SETD3: variants seen among roughly 807,000 people sequenced by gnomAD.
The protein encoded by SETD3 is actin-histidine N-methyltransferase.
In SETD3, 19 loss-of-function variants were observed where a neutral mutation model predicts 63.0. The observed-to-expected ratio is 0.30, with a 90% confidence interval of 0.21 to 0.44. The LOEUF is 0.44. Ranked by LOEUF, SETD3 falls within the 20% of genes least tolerant of loss-of-function variation. The pLI is 1.00. For synonymous variants in SETD3, 286 were observed against 264.1 expected (o/e 1.08, Z -0.80); for missense variants, 587 against 728.5 (o/e 0.81, Z 2.24).
intron 8 of SETD3, among the ~76,000 whole-genome samples, chr14:99,408,013 C>T (rs1355907258): frequency 6.6e-6 from 1 of 152,140 alleles, no homozygotes; most frequent in Non-Finnish European, 1.5e-5. Flanking sequence ...GGTTGTCTGT[C>T]GATGGTCACT....
At chr14:99,443,783 G>C (rs1482185434) in intron 6 of SETD3, among the ~76,000 whole-genome samples, 1 of 152,180 alleles carries the variant, frequency 6.6e-6, no homozygotes, top group Non-Finnish European at 1.5e-5. Flanking sequence ...AAAACTGTAA[G>C]ATGAAGGTTA....
At chr14:99,452,640 A>G (rs1387855101) in intron 6 of SETD3, among the ~76,000 whole-genome samples, 4 of 152,282 alleles carry the variant, frequency 2.6e-5, no homozygotes, top group African/African-American at 9.6e-5. Flanking sequence ...GTCAGTACTG[A>G]TGCTTTTAGA....
At chr14:99,400,369 G>C (rs1303533854) in intron 11 of SETD3, 110 bp from the exon 12 acceptor site, 1 of 1,209,732 alleles carries the variant, frequency 8.3e-7, no homozygotes, top group Admixed American at 2.2e-5. Flanking sequence ...TTTTCCCACG[G>C]TAAAAGCTGT....
At chr14:99,415,920 C>A (rs1892266692) in intron 6 of SETD3, among the ~76,000 whole-genome samples, 1 of 152,154 alleles carries the variant, frequency 6.6e-6, no homozygotes, top group Non-Finnish European at 1.5e-5. Context: ...TCGCAGAGTT[C>A]TTGATATTTC....
chr14:99,457,008 CA>C (rs1894798553), intron 6 of SETD3, among the ~76,000 whole-genome samples: 1 of 152,146 alleles, frequency 6.6e-6, no homozygotes, highest in Non-Finnish European at 1.5e-5. Flanking sequence ...GAGAAAATGA[CA>C]AATACTTAGA....
intron 11 of SETD3, among the ~76,000 whole-genome samples, chr14:99,402,631 A>T (rs1380173424): frequency 6.6e-6 from 1 of 151,998 alleles, no homozygotes; most frequent in African/African-American, 2.4e-5. Flanking sequence ...TCACTCTGTC[A>T]CCCAGGCTGG....
At chr14:99,470,070 C>T (rs2139807538) in intron 1 of SETD3, among the ~76,000 whole-genome samples, 1 of 152,360 alleles carries the variant, frequency 6.6e-6, no homozygotes, top group South Asian at 2.1e-4. Context: ...CTCTATTTTA[C>T]ATGTCCAGCT....
chr14:99,444,678 G>A (rs2139731614), intron 6 of SETD3, among the ~76,000 whole-genome samples: 1 of 152,212 alleles, frequency 6.6e-6, no homozygotes, highest in East Asian at 1.9e-4. Flanking sequence ...GAGCAACATG[G>A]CAAAAACTCA....
At chr14:99,420,866 C>T (rs970142350) in intron 6 of SETD3, among the ~76,000 whole-genome samples, 13 of 131,994 alleles carry the variant, frequency 9.8e-5, no homozygotes, top group African/African-American at 3.8e-4. Flanking sequence ...AGAGGTGAGG[C>T]TGGGAACCTG....
At chr14:99,434,086 C>T (rs185092205) in intron 6 of SETD3, among the ~76,000 whole-genome samples, 8 of 152,294 alleles carry the variant, frequency 5.3e-5, no homozygotes, top group Non-Finnish European at 1.2e-4. Flanking sequence ...TGTATATGTC[C>T]ACAAGAAGAT....
intron 6 of SETD3, among the ~76,000 whole-genome samples, chr14:99,432,173 T>C (rs1893218608): frequency 6.6e-6 from 1 of 152,128 alleles, no homozygotes; most frequent in South Asian, 2.1e-4. Flanking sequence ...ATGAAAAAAA[T>C]TAAAGGACAA....
intron 6 of SETD3, among the ~76,000 whole-genome samples, chr14:99,449,859 T>C (rs1056689981): frequency 1.3e-5 from 2 of 152,246 alleles, no homozygotes; most frequent in African/African-American, 4.8e-5. Context: ...TTTGCAACTG[T>C]TTTGTAAGTC....
chr14:99,468,093 A>G (rs1895494534), intron 1 of SETD3, among the ~76,000 whole-genome samples: 1 of 151,904 alleles, frequency 6.6e-6, no homozygotes, highest in Admixed American at 6.6e-5. Flanking sequence ...GCATCAGGTA[A>G]GAGGTACAGC....
intron 6 of SETD3, among the ~76,000 whole-genome samples, chr14:99,433,103 A>C (rs1367849451): frequency 1.3e-5 from 2 of 152,334 alleles, no homozygotes; most frequent in East Asian, 3.9e-4. Context: ...GCCAAGTTAA[A>C]GACAGGCAAT....
chr14:99,458,328 T>C lies in SETD3; in HGVS notation c.626A>G (p.Gln209Arg). The C allele has an allele frequency of 6.2e-7, 1 of 1,614,204 alleles. No homozygotes were observed. ...STQAIHDVFS[Q>R]YKNTARQYAY... The stretch of plus-strand genomic sequence containing the variant: ...GTACTGTCGAGCTGTGTTTTTATAC[T>C]GGCTGAAGACATCATGTATAGCTTG... Residue 209 changes from glutamine to arginine, a missense_variant, in exon 6 of 13, where the codon CAG becomes CGG. Coordinates refer to ENST00000331768, the MANE Select transcript of SETD3 (RefSeq NM_032233.3).
chr14:99,468,880 C>T (rs188265499), intron 1 of SETD3, among the ~76,000 whole-genome samples: 71 of 152,332 alleles, frequency 4.7e-4, no homozygotes, highest in African/African-American at 1.6e-3. Flanking sequence ...TGAGGACATA[C>T]AGCCTAGGCC....
chr14:99,423,522 TA>T (rs1284875519), intron 6 of SETD3, among the ~76,000 whole-genome samples: 4 of 136,580 alleles, frequency 2.9e-5, no homozygotes, highest in Non-Finnish European at 6.1e-5. Flanking sequence ...TGATTTTTTT[TA>T]ATTGCCTTTC....
rs184921910 is a variant in SETD3, at chr14:99,413,376, C to G, written c.735-311G>C. On this transcript the variant is annotated intron_variant, in intron 7 of 12. Coordinates refer to ENST00000331768, the MANE Select transcript of SETD3 (RefSeq NM_032233.3). ...TCACAAAATCCACTCCCCGACACCCCCCAACCCAACCCTCTTTTGCCCAAA... is the reference window on the plus strand; with the variant it reads ...TCACAAAATCCACTCCCCGACACCCGCCAACCCAACCCTCTTTTGCCCAAA... 3.5e-4 allele frequency: 106 copies of G among 306,346 alleles called. 1 individual carries two copies. The East Asian group carries it at 6.8e-3, about 20-fold the overall frequency. The allele number at this position is 306,346 out of a possible 1,614,324, so 19.0% of individuals were successfully genotyped here. A position where few individuals can be genotyped will look rare whatever the true frequency, so the allele number is the denominator to read the frequency against.
At chr14:99,403,587 C>G (rs1424021140) in intron 11 of SETD3, among the ~76,000 whole-genome samples, 2 of 152,002 alleles carry the variant, frequency 1.3e-5, no homozygotes, top group Non-Finnish European at 2.9e-5. Flanking sequence ...CAAATCTCAG[C>G]ATAAGAAACC....
Sources: allele counts gnomAD v4.1 joint callset (sites outside exome capture counted in the v4.1 genomes callset), GRCh38; gene constraint gnomAD v4.1.1; transcripts MANE v1.5; gene names NCBI Gene and HGNC (gene_info 2026-07-23, HGNC 2026-07-21).